Variants in CNTN4 observed in about 807,000 individuals in gnomAD.
CNTN4 encodes the protein contactin 4.
A neutral mutation model predicts 122.5 loss-of-function variants in CNTN4; 77 were observed. The ratio of observed to expected loss-of-function variants is 0.63; its 90% CI spans 0.52 to 0.76. CNTN4 has a LOEUF of 0.76. Among genes scored for constraint, CNTN4 ranks in the 30% least tolerant of loss-of-function variants. CNTN4 has a pLI of 0.00. For missense variants in CNTN4, 1,256 were observed against 1,259.1 expected (o/e 1.00, Z 0.04); for synonymous variants, 512 against 447.0 (o/e 1.15, Z -1.83).
chr3:2,575,572 T>C (rs2079624099), intron 4 of CNTN4, among the ~76,000 whole-genome samples: 1 of 150,836 alleles, frequency 6.6e-6, no homozygotes, highest in Admixed American at 6.7e-5. Flanking sequence ...GCTTTTATAC[T>C]AACTTTCTTT....
intron 4 of CNTN4, among the ~76,000 whole-genome samples, chr3:2,714,438 G>A (rs764446429): frequency 2.6e-5 from 4 of 152,136 alleles, no homozygotes; most frequent in Non-Finnish European, 5.9e-5. Context: ...GTTGGGGTTG[G>A]AGATGTTTCA....
At chr3:2,356,224 A>T (rs2150498392) in intron 3 of CNTN4, among the ~76,000 whole-genome samples, 1 of 152,320 alleles carries the variant, frequency 6.6e-6, no homozygotes, top group South Asian at 2.1e-4. Context: ...AAGTGAAAGC[A>T]ATTTTATTAA....
At chr3:2,704,735 A>T (rs1351049548) in intron 4 of CNTN4, among the ~76,000 whole-genome samples, 1 of 152,234 alleles carries the variant, frequency 6.6e-6, no homozygotes, top group Non-Finnish European at 1.5e-5. Context: ...TCACATTTTT[A>T]TAAGACAGGA....
At chr3:2,716,379 T>G (rs894458675) in intron 4 of CNTN4, among the ~76,000 whole-genome samples, 1 of 151,638 alleles carries the variant, frequency 6.6e-6, no homozygotes, top group Non-Finnish European at 1.5e-5. Flanking sequence ...CAAGATTGTT[T>G]TAAGGATTAA....
At chr3:2,469,571 T>TATTC (rs149171626) in intron 3 of CNTN4, among the ~76,000 whole-genome samples, 1 of 152,344 alleles carries the variant, frequency 6.6e-6, no homozygotes, top group African/African-American at 2.4e-5. Flanking sequence ...ATTAGAGGAA[T>TATTC]ATTCTAACAC....
intron 24 of CNTN4, 31 bp downstream of exon 24, chr3:3,054,006 C>T (rs1268402536): frequency 6.2e-7 from 1 of 1,610,554 alleles, no homozygotes. Flanking sequence ...CCCTTTTCTC[C>T]TGCCTGTCTT....
At chr3:2,520,595 A>G (rs2077178216) in intron 3 of CNTN4, among the ~76,000 whole-genome samples, 1 of 152,008 alleles carries the variant, frequency 6.6e-6, no homozygotes, top group Non-Finnish European at 1.5e-5. Context: ...TTTTAAAAAA[A>G]CTTTTGATAC....
intron 3 of CNTN4, among the ~76,000 whole-genome samples, chr3:2,466,973 T>C (rs2151474004): frequency 6.8e-6 from 1 of 146,150 alleles, no homozygotes; most frequent in Admixed American, 6.9e-5. Context: ...TTTCTTTCTT[T>C]TTTTTTTTTT....
intron 2 of CNTN4, among the ~76,000 whole-genome samples, chr3:2,287,465 G>A (rs577757542): frequency 6.6e-6 from 1 of 151,866 alleles, no homozygotes; most frequent in African/African-American, 2.4e-5. Context: ...AGCAGGGCAT[G>A]GTGGTGCACA....
intron 8 of CNTN4, among the ~76,000 whole-genome samples, chr3:2,880,283 C>T (rs1012313838): frequency 1.3e-5 from 2 of 152,296 alleles, no homozygotes; most frequent in East Asian, 3.9e-4. Context: ...CTTATTGTCT[C>T]ATCTCCCTCT....
At chr3:2,468,920 C>T (rs2075594971) in intron 3 of CNTN4, among the ~76,000 whole-genome samples, 2 of 152,260 alleles carry the variant, frequency 1.3e-5, no homozygotes, top group South Asian at 4.1e-4. Flanking sequence ...CCATGTAAGA[C>T]TTTCCTTGTA....
chr3:2,740,519 A>G (rs1431284134), intron 5 of CNTN4, among the ~76,000 whole-genome samples: 1 of 152,210 alleles, frequency 6.6e-6, no homozygotes, highest in Non-Finnish European at 1.5e-5. Flanking sequence ...ATTAAGAAGG[A>G]GTGGTATAAT....
intron 4 of CNTN4, among the ~76,000 whole-genome samples, chr3:2,672,728 G>A (rs1005855852): frequency 3.3e-5 from 5 of 152,092 alleles, no homozygotes; most frequent in African/African-American, 4.8e-5. Context: ...GTTCCTATTC[G>A]GCCATCTATA....
intron 2 of CNTN4, among the ~76,000 whole-genome samples, chr3:2,233,698 C>T (rs1446571507): frequency 2.0e-5 from 3 of 152,002 alleles, no homozygotes; most frequent in Non-Finnish European, 4.4e-5. Context: ...ATAGAATCAT[C>T]CTAGATCATA....
intron 2 of CNTN4, among the ~76,000 whole-genome samples, chr3:2,151,374 T>C (rs2035487896): frequency 6.6e-6 from 1 of 152,068 alleles, no homozygotes; most frequent in South Asian, 2.1e-4. Flanking sequence ...GCTAAGAGAC[T>C]CTCTGAACAA....
At position 2,900,820 on chromosome 3, in the gene CNTN4, G is replaced by C. The variant is rs747363869; in HGVS notation, c.1076G>C (p.Arg359Pro). ...WLKNGEPLLT[R>P]DRIQIEQGTL... is the part of the protein sequence containing the mutation. ...AAAAATGGCGAACCTCTGCTAACTC[G>C]GGTAAGCAAGTTAATGGTAATTGTG... Residue 359 changes from arginine to proline, a missense_variant and splice_region_variant, in exon 11 of 25, where the codon CGG becomes CCG. Physicochemically the swap from Arg to Pro is moderately radical, Grantham distance 103 (BLOSUM62 -2). Coordinates refer to ENST00000418658, the MANE Select transcript of CNTN4 (RefSeq NM_175607.3). 3.1e-6 allele frequency: 5 copies of C among 1,613,648 alleles called. No individual in the cohort carries two copies. Among genetic ancestry groups the C allele is most frequent in the Non-Finnish European group, 3.4e-6 (4 of 1,179,712 alleles).
intron 4 of CNTN4, among the ~76,000 whole-genome samples, chr3:2,679,086 A>G (rs540090844): frequency 6.6e-6 from 1 of 152,170 alleles, no homozygotes; most frequent in Non-Finnish European, 1.5e-5. Flanking sequence ...AATATCTTCA[A>G]TGAGGTGCTT....
chr3:2,542,460 G>T lies in CNTN4; in HGVS notation c.-88-28956G>T, dbSNP rs533361474. Among the ~76,000 whole-genome samples, 115 of 152,186 alleles carry T rather than the reference G, an allele frequency of 7.6e-4. 1 individual carries two copies. The South Asian group carries it at 0.023, about 31-fold the overall frequency. ...ATGAACTAGCACCAGAAAATCTTCT[G>T]CAAAGAATATACACAAGAAATAATC... On this transcript the variant is annotated intron_variant, in intron 3 of 24. Coordinates refer to ENST00000418658, the MANE Select transcript of CNTN4 (RefSeq NM_175607.3).
rs116350354 is a variant in CNTN4 at position 3,027,825 on chromosome 3, G to T, written c.1662+1548G>T. ...ATGCCAGAATGGTGCCAGGGCTAAGGCAGAAACAGGGACACCTAATGAAGT... is the reference window on the plus strand; with the variant it reads ...ATGCCAGAATGGTGCCAGGGCTAAGTCAGAAACAGGGACACCTAATGAAGT... On this transcript the variant is annotated intron_variant, in intron 15 of 24. Coordinates refer to ENST00000418658, the MANE Select transcript of CNTN4 (RefSeq NM_175607.3). Among the ~76,000 whole-genome samples, 624 of 152,284 alleles carry T rather than the reference G, an allele frequency of 4.1e-3. 10 individuals carry two copies. The highest frequency in any genetic ancestry group is 0.018 in the East Asian group (94 of 5,184).
Sources: allele counts gnomAD v4.1 joint callset (sites outside exome capture counted in the v4.1 genomes callset), GRCh38; gene constraint gnomAD v4.1.1; transcripts MANE v1.5; gene names NCBI Gene and HGNC (gene_info 2026-07-23, HGNC 2026-07-21).